Variants in HK1 observed in about 807,000 individuals in gnomAD.
HK1 encodes hexokinase 1, also known as hexokinase-1.
A neutral mutation model predicts 91.6 loss-of-function variants in HK1; 28 were observed. That is an observed-to-expected ratio of 0.31 (90% CI 0.23 to 0.42). The LOEUF is 0.42. Ranked by LOEUF, HK1 falls within the 10% of genes least tolerant of loss-of-function variation. The probability of loss-of-function intolerance (pLI) is 1.00; values close to 1 mark genes in which losing one functional copy is unlikely to be tolerated. For missense variants in HK1, 770 were observed against 1,219.8 expected (o/e 0.63, Z 5.49); for synonymous variants, 430 against 468.1 (o/e 0.92, Z 1.05).
rs377408962 is a variant in HK1 at position 69,297,084 on chromosome 10, C to T, written c.-67+1404C>T. ...TAGAAAATCCATATATAACTTTCTA[C>T]TCCCCCAAAACCAAACTGCTAAAAC... On this transcript the variant is annotated intron_variant, in intron 4 of 21. Coordinates refer to the HK1 transcript ENST00000360289. Among the ~76,000 whole-genome samples the T allele has an allele frequency of 4.4e-4, 67 of 152,302 alleles. No individual in the cohort carries two copies. The South Asian group carries it at 0.013, about 31-fold the overall frequency.
At chr10:69,319,163 G>A (rs1468038198) in intron 1 of HK1, 153 bp downstream of exon 1, 12 of 896,314 alleles carry the variant, frequency 1.3e-5, no homozygotes, top group Non-Finnish European at 1.8e-5. Context: ...CTTCGCCTTC[G>A]ATTCTACCGG....
At chr10:69,396,196 C>T (rs910351163) in intron 16 of HK1, among the ~76,000 whole-genome samples, 10 of 149,038 alleles carry the variant, frequency 6.7e-5, no homozygotes, top group East Asian at 5.9e-4. Context: ...GGCTTGAGCC[C>T]GGTGGCGGAG....
At chr10:69,341,419 C>T (rs1848285457) in intron 1 of HK1, among the ~76,000 whole-genome samples, 1 of 151,832 alleles carries the variant, frequency 6.6e-6, no homozygotes, top group South Asian at 2.1e-4. Flanking sequence ...CCTTAGCCTC[C>T]CAAAGTGTTG....
rs976731803 is a variant in HK1 at position 69,392,057 on chromosome 10, C to T, written c.2036-68C>T. The stretch of plus-strand genomic sequence containing the variant: ...GCCTGTGGAACCTCAGGCCCCAGAC[C>T]CCAGGCCCAGTTGCAAGACCCCCAA... On this transcript the variant is annotated intron_variant, in intron 14 of 17. Transcript: ENST00000359426. 45 of 1,551,376 alleles carry T rather than the reference C, an allele frequency of 2.9e-5. 1 individual carries two copies. The Admixed American group carries it at 4.9e-4, about 17-fold the overall frequency.
intron 5 of HK1, among the ~76,000 whole-genome samples, chr10:69,307,932 C>T (rs895328915): frequency 1.3e-5 from 2 of 152,026 alleles, no homozygotes; most frequent in African/African-American, 2.4e-5. Flanking sequence ...TCTGCCTCCC[C>T]GGTTCAAGTG....
chr10:69,389,158 T>A, intron 13 of HK1, 39 bp from the exon 14 acceptor site: 1 of 1,484,698 alleles, frequency 6.7e-7, no homozygotes, highest in Non-Finnish European at 9.4e-7. Context: ...CCAGGCATAG[T>A]GATCCTATTC....
In HK1 at chr10:69,401,255, G is replaced by A. The variant is rs994833796; in HGVS notation, c.*120G>A. ...CGCCAGGGCCTGCCGGCGCGGGGAG[G>A]AAAGCAAAATCCAACTAATGGTATA... On this transcript the variant is annotated 3_prime_UTR_variant, in exon 18 of 18. Transcript: ENST00000359426. 2.6e-5 allele frequency: 30 copies of A among 1,165,464 alleles called. No individual in the cohort carries two copies. The highest frequency in any genetic ancestry group is 4.0e-5 in the Admixed American group (2 of 49,414). The allele number at this position is 1,165,464 out of a possible 1,614,324, so 72.2% of individuals were successfully genotyped here.
intron 2 of HK1, among the ~76,000 whole-genome samples, chr10:69,349,556 C>T (rs780891185): frequency 3.3e-5 from 5 of 152,138 alleles, no homozygotes; most frequent in African/African-American, 7.2e-5. Context: ...TTTCAGGATT[C>T]GCTGGCATCT....
At chr10:69,383,225 C>G (rs1366871455) in intron 10 of HK1, among the ~76,000 whole-genome samples, 2 of 152,218 alleles carry the variant, frequency 1.3e-5, no homozygotes, top group Admixed American at 1.3e-4. Context: ...GCAAATCCCA[C>G]AGCACTGATT....
intron 12 of HK1, 65 bp from the exon 13 acceptor site, chr10:69,386,258 G>A: frequency 2.2e-6 from 3 of 1,334,300 alleles, no homozygotes; most frequent in Non-Finnish European, 3.2e-6. Context: ...GGGAGGGTTG[G>A]AATTTTGTGT....
chr10:69,322,454 T>C (rs1313977522), intron 1 of HK1, among the ~76,000 whole-genome samples: 1 of 152,194 alleles, frequency 6.6e-6, no homozygotes, highest in Non-Finnish European at 1.5e-5. Context: ...AGAGTGTGAT[T>C]TGTCCAATGG....
chr10:69,318,838 G>A (rs922318613), upstream of HK1: 3 of 1,379,860 alleles, frequency 2.2e-6, no homozygotes, highest in African/African-American at 3.4e-5. Context: ...GGAGCCGGGG[G>A]AGGAGGAGGA....
rs1564575382 is a variant in HK1, at chr10:69,400,902, CAG to C, written c.2610-88_2610-87del. On this transcript the variant is annotated intron_variant, in intron 17 of 17. Transcript: ENST00000359426. Reference sequence around the variant, plus strand: ...AATCCTAAGTCGAATCATCACCAGTCAGGGGGCTGTCTGTGCTTTGGTGTTTT... The same window carrying C: ...AATCCTAAGTCGAATCATCACCAGTCGGGGCTGTCTGTGCTTTGGTGTTTT... 2.9e-6 allele frequency: 4 copies of C among 1,371,480 alleles called. No homozygotes were observed. In the African/African-American group the frequency reaches 4.3e-5, roughly 15 times the overall value. 85.0% of individuals were successfully genotyped at this position (1,371,480 alleles called of 1,614,324 possible). A position where few individuals can be genotyped will look rare whatever the true frequency, so the allele number is the denominator to read the frequency against.
intron 14 of HK1, among the ~76,000 whole-genome samples, 197 bp from the exon 15 acceptor site, chr10:69,391,928 C>G (rs1176984493): frequency 6.6e-6 from 1 of 152,186 alleles, no homozygotes; most frequent in African/African-American, 2.4e-5. Flanking sequence ...CAGGTGCCCT[C>G]TGGGTGATGT....
At chr10:69,357,383 A>G (rs1442436406) in intron 2 of HK1, among the ~76,000 whole-genome samples, 2 of 152,234 alleles carry the variant, frequency 1.3e-5, no homozygotes, top group Admixed American at 1.3e-4. Flanking sequence ...GCACTATAAC[A>G]TGATGAACCT....
At chr10:69,272,948 T>C (rs1844243944) in intron 1 of HK1, among the ~76,000 whole-genome samples, 1 of 151,822 alleles carries the variant, frequency 6.6e-6, no homozygotes, top group African/African-American at 2.4e-5. Context: ...GTCTTACATC[T>C]CTTTCAAGTT....
intron 2 of HK1, among the ~76,000 whole-genome samples, chr10:69,353,601 GAACA>G (rs1848990705): frequency 1.1e-5 from 1 of 92,670 alleles, no homozygotes; most frequent in African/African-American, 4.0e-5. Flanking sequence ...CTGACTCAAA[GAACA>G]AACAAACAAA....
upstream of HK1, among the ~76,000 whole-genome samples, chr10:69,310,795 G>A (rs1225939567): frequency 6.6e-6 from 1 of 152,142 alleles, no homozygotes; most frequent in Non-Finnish European, 1.5e-5. Context: ...GGTGGCTCAT[G>A]CCTGTAATCT....
rs373871387 is a variant in HK1, at chr10:69,398,738, C to T, written c.2519C>T (p.Ala840Val). Residue 840 changes from alanine (A) to valine (V), a missense_variant, in exon 17 of 18, where the codon GCG (alanine) becomes GTG (valine). Ala to Val is a moderately conservative substitution (Grantham distance 64). Coordinates refer to ENST00000359426, the MANE Select transcript of HK1 (RefSeq NM_000188.3). ...CAGCTGTGTGGCGCAGGCATGGCTGCGGTTGTGGATAAGATCCGCGAGAAC... is the reference window on the plus strand; with the variant it reads ...CAGCTGTGTGGCGCAGGCATGGCTGTGGTTGTGGATAAGATCCGCGAGAAC... ...AAQLCGAGMA[A>V]VVDKIRENRG... The T allele has an allele frequency of 1.2e-5, 20 of 1,614,050 alleles. No individual in the cohort carries two copies. Among genetic ancestry groups the T allele is most frequent in the Middle Eastern group, 1.6e-4 (1 of 6,084 alleles).
Sources: gnomAD v4.1 joint callset for allele counts (sites outside exome capture counted in the v4.1 genomes callset) on GRCh38, gnomAD v4.1.1 for gene constraint, MANE v1.5 for transcripts, NCBI Gene and HGNC (gene_info 2026-07-23, HGNC 2026-07-21) for gene names.